WBP1L: variants seen among roughly 807,000 people sequenced by gnomAD.
WBP1L encodes the protein WW domain binding protein 1 like, also known as WW domain binding protein 1-like.
In WBP1L, 17 loss-of-function variants were observed where a neutral mutation model predicts 33.7. The ratio of observed to expected loss-of-function variants is 0.50; its 90% confidence interval spans 0.34 to 0.76. WBP1L has a LOEUF of 0.76. WBP1L is among the 30% of genes least tolerant of loss of function. The pLI, the probability that WBP1L is intolerant of heterozygous loss-of-function variation, is 0.01. For missense variants in WBP1L, 389 were observed against 469.4 expected (o/e 0.83, Z 1.58); for synonymous variants, 173 against 190.8 (o/e 0.91, Z 0.77).
chr10:102,781,111 G>T (rs1843328926), intron 1 of WBP1L, among the ~76,000 whole-genome samples: 1 of 152,184 alleles, frequency 6.6e-6, no homozygotes, highest in Non-Finnish European at 1.5e-5. Context: ...AGGGTGAGCT[G>T]GTCCCTGGGC....
intron 1 of WBP1L, among the ~76,000 whole-genome samples, chr10:102,783,539 G>A (rs1433840788): frequency 1.3e-5 from 2 of 152,182 alleles, no homozygotes; most frequent in South Asian, 2.1e-4. Context: ...TGAGGCACTC[G>A]GAGAACAAGA....
chr10:102,759,695 G>T lies in WBP1L; in HGVS notation c.90+15552G>T, dbSNP rs531313073. ...GTAGAGATGGGGGTCTTACTATATT[G>T]CCCAGGCTGGGGAGTAAGCTATTCA... On this transcript the variant is annotated intron_variant, in intron 1 of 3. Transcript: ENST00000448841. 2.0e-5 allele frequency among the ~76,000 whole-genome samples: 3 copies of T among 152,180 alleles called. No homozygotes were observed. In the East Asian group the frequency reaches 5.8e-4, roughly 29 times the overall value.
At position 102,812,917 on chromosome 10, in the gene WBP1L, G is replaced by T. The variant is rs768340118; in HGVS notation, c.678G>T (p.Glu226Asp). The change falls in exon 4 of 4, where the codon GAG becomes GAT. Residue 226 changes from glutamate (E) to aspartate (D), a missense_variant. By Grantham distance (45) the Glu-to-Asp change is conservative. Coordinates refer to ENST00000448841, the MANE Select transcript of WBP1L (RefSeq NM_001083913.2). ...EPSGSVAGLG[E>D]LDPGAFLDKD... ...GTGGCTCTGTGGCTGGCCTGGGGGA[G>T]CTGGACCCGGGGGCCTTCCTGGACA... is the stretch of plus-strand genomic sequence containing the variant. 6.3e-7 allele frequency: 1 copy of T among 1,585,714 alleles called. No homozygotes were observed. The highest frequency in any genetic ancestry group is 8.6e-7 in the Non-Finnish European group (1 of 1,163,338).
rs746822982 is a variant in WBP1L, at chr10:102,809,956, G to C, written c.257G>C (p.Arg86Pro). 6.2e-7 allele frequency: 1 copy of C among 1,613,788 alleles called. No homozygotes were observed. Among genetic ancestry groups the C allele is most frequent in the Non-Finnish European group, 8.5e-7 (1 of 1,180,024 alleles). ...LSCCCVCHHR[R>P]AKHRLQAQQR... ...TGCTGCTGTGTTTGCCACCACCGCC[G>C]AGCCAAGCACCGCCTTCAGGCCCAG... The change falls in exon 3 of 4, where the codon CGA becomes CCA. Residue 86 changes from arginine to proline, a missense_variant. By Grantham distance (103) the Arg-to-Pro change is moderately radical. Coordinates refer to ENST00000448841, the MANE Select transcript of WBP1L (RefSeq NM_001083913.2).
intron 1 of WBP1L, chr10:102,776,434 G>C (rs376790021): frequency 6.3e-5 from 101 of 1,614,002 alleles, no homozygotes; most frequent in Non-Finnish European, 7.9e-5. Context: ...GTTTCTGCAC[G>C]GATCGGGTTT....
chr10:102,810,064 C>A lies in WBP1L; in HGVS notation c.355+10C>A. On this transcript the variant is annotated intron_variant, in intron 3 of 3. Coordinates refer to ENST00000448841, the MANE Select transcript of WBP1L (RefSeq NM_001083913.2). Reference sequence around the variant, plus strand: ...CTGCCATTTTATTTCAGTACGTACACCCAAGCCCCCATACCCACCCTCAGG... The same window carrying A: ...CTGCCATTTTATTTCAGTACGTACAACCAAGCCCCCATACCCACCCTCAGG... The A allele has an allele frequency of 6.2e-7, 1 of 1,601,412 alleles. No individual in the cohort carries two copies. Among genetic ancestry groups the A allele is most frequent in the Non-Finnish European group, 8.5e-7 (1 of 1,173,978 alleles).
chr10:102,766,797 A>G (rs1260651330), intron 1 of WBP1L, among the ~76,000 whole-genome samples: 4 of 151,260 alleles, frequency 2.6e-5, no homozygotes, highest in African/African-American at 7.3e-5. Flanking sequence ...GCGCCTCTGC[A>G]CTCCAGCCTG....
chr10:102,787,962 C>T (rs1483965911), intron 1 of WBP1L, among the ~76,000 whole-genome samples: 1 of 151,048 alleles, frequency 6.6e-6, no homozygotes, highest in Non-Finnish European at 1.5e-5. Flanking sequence ...GCCTGATGTC[C>T]CAGCTACTCG....
At chr10:102,784,450 G>A (rs1354164774) in intron 1 of WBP1L, among the ~76,000 whole-genome samples, 14 of 121,976 alleles carry the variant, frequency 1.1e-4, no homozygotes, top group African/African-American at 4.5e-4. Flanking sequence ...TTTTGAGACA[G>A]AGTCTTGCTC....
chr10:102,791,936 C>T (rs770334157), intron 1 of WBP1L, among the ~76,000 whole-genome samples: 1 of 152,168 alleles, frequency 6.6e-6, no homozygotes, highest in Non-Finnish European at 1.5e-5. Flanking sequence ...AAAGTTTTTA[C>T]GCTGATTAAA....
intron 1 of WBP1L, among the ~76,000 whole-genome samples, chr10:102,775,883 G>A (rs1297996078): frequency 6.6e-6 from 1 of 152,156 alleles, no homozygotes; most frequent in East Asian, 1.9e-4. Context: ...TCCTTATTCA[G>A]AGCAGTGTTC....
At chr10:102,807,932 C>T (rs371885468) in intron 2 of WBP1L, among the ~76,000 whole-genome samples, 6 of 151,404 alleles carry the variant, frequency 4.0e-5, no homozygotes, top group Admixed American at 6.6e-5. Context: ...TTTGGCCGGG[C>T]GCGGTGGCTC....
chr10:102,800,760 A>C (rs1843645339), intron 2 of WBP1L, among the ~76,000 whole-genome samples: 1 of 152,238 alleles, frequency 6.6e-6, no homozygotes, highest in Non-Finnish European at 1.5e-5. Flanking sequence ...TGAAGTTCTC[A>C]TCAAAATGGC....
chr10:102,782,705 C>T (rs181930321), intron 1 of WBP1L, among the ~76,000 whole-genome samples: 11 of 152,046 alleles, frequency 7.2e-5, no homozygotes, highest in African/African-American at 1.9e-4. Flanking sequence ...GAACCCCAGA[C>T]CTCACAAGAG....
chr10:102,747,358 C>CAA (rs71019610), intron 1 of WBP1L, among the ~76,000 whole-genome samples: 247 of 78,338 alleles, frequency 3.2e-3, no homozygotes, highest in African/African-American at 3.5e-3. Flanking sequence ...GACTCCGTCT[C>CAA]AAAAAAAAAA....
chr10:102,783,709 A>G (rs1232516918), intron 1 of WBP1L, among the ~76,000 whole-genome samples: 1 of 152,218 alleles, frequency 6.6e-6, no homozygotes, highest in East Asian at 1.9e-4. Context: ...TGCTACTGGC[A>G]TATCTAGTTA....
chr10:102,790,936 G>T (rs1332406467), intron 1 of WBP1L, among the ~76,000 whole-genome samples: 1 of 152,098 alleles, frequency 6.6e-6, no homozygotes, highest in Non-Finnish European at 1.5e-5. Flanking sequence ...TAAATTTTTG[G>T]CTTGGGGATC....
At chr10:102,787,321 C>T (rs561391914) in intron 1 of WBP1L, among the ~76,000 whole-genome samples, 2 of 152,230 alleles carry the variant, frequency 1.3e-5, no homozygotes, top group Non-Finnish European at 2.9e-5. Flanking sequence ...GGCACAGTGG[C>T]TCCCGACTGA....
chr10:102,761,807 C>T (rs934128510), intron 1 of WBP1L, among the ~76,000 whole-genome samples: 7 of 151,906 alleles, frequency 4.6e-5, no homozygotes, highest in Admixed American at 6.6e-5. Flanking sequence ...CCTCGGCCTC[C>T]GAAAGTGCTG....
Sources: allele counts gnomAD v4.1 joint callset (sites outside exome capture counted in the v4.1 genomes callset), GRCh38; gene constraint gnomAD v4.1.1; transcripts MANE v1.5; gene names NCBI Gene and HGNC (gene_info 2026-07-23, HGNC 2026-07-21).